PTPRM: variants seen among roughly 807,000 people sequenced by gnomAD.
PTPRM encodes protein tyrosine phosphatase receptor type M, also known as receptor-type tyrosine-protein phosphatase mu.
Under a neutral mutation model 186.7 loss-of-function variants are expected in PTPRM, and 47 were observed. That is an observed-to-expected ratio of 0.25 (90% CI 0.20 to 0.32). The LOEUF is 0.32. PTPRM is among the 10% of genes least tolerant of loss of function. The pLI, the probability that PTPRM is intolerant of heterozygous loss-of-function variation, is 1.00. For synonymous variants in PTPRM, 668 were observed against 674.9 expected, an observed-to-expected ratio of 0.99 and a Z score of 0.16; for missense variants, 1,494 against 1,865.0, an observed-to-expected ratio of 0.80 and a Z score of 3.66.
At chr18:7,771,182 G>T (rs1344813447) in intron 1 of PTPRM, among the ~76,000 whole-genome samples, 1 of 152,088 alleles carries the variant, frequency 6.6e-6, no homozygotes, top group Non-Finnish European at 1.5e-5. Flanking sequence ...TTGTTTTGTG[G>T]ATGCTTATCA....
At chr18:8,323,779 C>G (rs2148104472) in intron 22 of PTPRM, among the ~76,000 whole-genome samples, 1 of 152,174 alleles carries the variant, frequency 6.6e-6, no homozygotes, top group Non-Finnish European at 1.5e-5. Context: ...GACGCTTGTG[C>G]CCCCAACCAT....
chr18:7,958,747 A>G (rs1316736060), intron 7 of PTPRM, among the ~76,000 whole-genome samples: 1 of 152,120 alleles, frequency 6.6e-6, no homozygotes, highest in African/African-American at 2.4e-5. Flanking sequence ...ATCAAGTACT[A>G]TTCTTTGGGC....
intron 13 of PTPRM, among the ~76,000 whole-genome samples, chr18:8,126,737 T>C (rs559513193): frequency 9.7e-4 from 148 of 152,258 alleles, no homozygotes; most frequent in African/African-American, 3.4e-3. Context: ...TTAGCCACAC[T>C]GAGTAGCAAG....
chr18:7,834,177 A>C (rs187496160), intron 2 of PTPRM, among the ~76,000 whole-genome samples: 4 of 152,164 alleles, frequency 2.6e-5, no homozygotes, highest in Non-Finnish European at 4.4e-5. Context: ...TTTAGCATCA[A>C]TTGAAATGAT....
At chr18:8,393,423 T>C (rs1048436451) in intron 31 of PTPRM, among the ~76,000 whole-genome samples, 4 of 152,180 alleles carry the variant, frequency 2.6e-5, no homozygotes, top group African/African-American at 9.7e-5. Flanking sequence ...TACAAATCAC[T>C]GATCAGTGCT....
At chr18:8,258,750 A>G in intron 19 of PTPRM, among the ~76,000 whole-genome samples, 1 of 152,260 alleles carries the variant, frequency 6.6e-6, no homozygotes, top group East Asian at 1.9e-4. Context: ...CCTGAAAAAC[A>G]CAGATGGTAC....
At chr18:8,329,776 G>A (rs1202709472) in intron 22 of PTPRM, among the ~76,000 whole-genome samples, 1 of 151,928 alleles carries the variant, frequency 6.6e-6, no homozygotes, top group Non-Finnish European at 1.5e-5. Flanking sequence ...CACAGATTTG[G>A]GGACTTCATT....
chr18:8,382,650 C>A (rs1321741403), intron 29 of PTPRM, among the ~76,000 whole-genome samples: 1 of 152,144 alleles, frequency 6.6e-6, no homozygotes. Context: ...ATAAAAGGCA[C>A]CCTTGGTTAC....
At chr18:8,364,063 A>G (rs1403562142) in intron 23 of PTPRM, among the ~76,000 whole-genome samples, 1 of 152,232 alleles carries the variant, frequency 6.6e-6, no homozygotes, top group Non-Finnish European at 1.5e-5. Flanking sequence ...CCAAACTGAA[A>G]CTATCCAGAC....
intron 23 of PTPRM, among the ~76,000 whole-genome samples, chr18:8,351,455 G>T (rs1009421071): frequency 1.3e-5 from 2 of 152,144 alleles, no homozygotes; most frequent in African/African-American, 2.4e-5. Context: ...TGTTGTGCCT[G>T]TTTCCACTTC....
At chr18:8,043,959 C>T (rs2086853408) in intron 7 of PTPRM, among the ~76,000 whole-genome samples, 1 of 152,188 alleles carries the variant, frequency 6.6e-6, no homozygotes. Context: ...TACTCTTTGG[C>T]AGAGACCGGG....
chr18:8,116,414 G>A (rs142972849), intron 13 of PTPRM, among the ~76,000 whole-genome samples: 2 of 152,326 alleles, frequency 1.3e-5, no homozygotes, highest in East Asian at 3.9e-4. Context: ...TGAGGAAAAG[G>A]TGTATTTTTG....
chr18:8,389,857 G>A (rs973338516), intron 31 of PTPRM, among the ~76,000 whole-genome samples: 3 of 152,128 alleles, frequency 2.0e-5, no homozygotes, highest in African/African-American at 7.2e-5. Context: ...GAGAGTTCCC[G>A]GCTGAGACAA....
intron 1 of PTPRM, among the ~76,000 whole-genome samples, chr18:7,720,352 C>T (rs545891370): frequency 2.6e-5 from 4 of 151,906 alleles, no homozygotes; most frequent in South Asian, 2.1e-4. Flanking sequence ...TGCTGGCATA[C>T]GAATTGGTCA....
intron 1 of PTPRM, among the ~76,000 whole-genome samples, chr18:7,694,047 G>T (rs879898134): frequency 6.6e-6 from 1 of 152,192 alleles, no homozygotes; most frequent in Non-Finnish European, 1.5e-5. Context: ...GAGTCATGTT[G>T]CTTTCTGCCA....
Position 8,243,938 on chromosome 18 carries a change from A to G in PTPRM, c.2301-120A>G, listed in dbSNP as rs1203411670. 4 of 989,260 alleles carry G rather than the reference A, an allele frequency of 4.0e-6. No homozygotes were observed. The African/African-American group carries it at 6.9e-5, about 17-fold the overall frequency. 61.3% of individuals were successfully genotyped at this position (989,260 alleles called of 1,614,324 possible). On this transcript the variant is annotated intron_variant, in intron 14 of 32. Coordinates refer to ENST00000580170, the MANE Select transcript of PTPRM (RefSeq NM_001105244.2). ...GCCACAAATAAGGCACTATACATCC[A>G]TCTCTGAATGAATAGGATTAATTCA...
intron 14 of PTPRM, among the ~76,000 whole-genome samples, chr18:8,235,272 T>TG (rs2094331140): frequency 6.6e-6 from 1 of 152,012 alleles, no homozygotes; most frequent in African/African-American, 2.4e-5. Flanking sequence ...CCTAGTGAGA[T>TG]TGTGTGTTTC....
intron 2 of PTPRM, among the ~76,000 whole-genome samples, chr18:7,879,673 TAAAGC>T (rs1173828365): frequency 3.0e-4 from 45 of 152,328 alleles, no homozygotes; most frequent in African/African-American, 9.6e-4. Context: ...ATAAATGTCT[TAAAGC>T]AAAGGTTATA....
intron 14 of PTPRM, among the ~76,000 whole-genome samples, chr18:8,238,859 C>T (rs934650209): frequency 6.6e-6 from 1 of 151,398 alleles, no homozygotes; most frequent in Non-Finnish European, 1.5e-5. Flanking sequence ...CATTATTCCT[C>T]TCCCCCACCG....
Sources: allele counts gnomAD v4.1 joint callset (sites outside exome capture counted in the v4.1 genomes callset), GRCh38; gene constraint gnomAD v4.1.1; transcripts MANE v1.5; gene names NCBI Gene and HGNC (gene_info 2026-07-23, HGNC 2026-07-21).